PCYT1B: variants seen among roughly 807,000 people sequenced by gnomAD.
PCYT1B encodes the protein phosphate cytidylyltransferase 1B, choline.
A neutral mutation model predicts 26.4 loss-of-function variants in PCYT1B; 10 were observed. That is an observed-to-expected ratio of 0.38 (90% confidence interval 0.23 to 0.64). The LOEUF is 0.64. Among genes scored for constraint, PCYT1B ranks in the 30% least tolerant of loss-of-function variants. The pLI, the probability that PCYT1B is intolerant of heterozygous loss-of-function variation, is 0.56. For synonymous variants in PCYT1B, 131 were observed against 108.4 expected (o/e 1.21, Z -1.29); for missense variants, 161 against 292.7 (o/e 0.55, Z 3.28).
intron 3 of PCYT1B, among the ~76,000 whole-genome samples, chrX:24,603,015 G>C (rs1436976575): frequency 2.7e-5 from 3 of 111,481 alleles, no homozygotes; most frequent in African/African-American, 9.8e-5. Flanking sequence ...TGTTGGCCAG[G>C]CTGGTTTAGA....
At chrX:24,665,819 A>T (rs755255781) in intron 1 of PCYT1B, among the ~76,000 whole-genome samples, 1 of 110,937 alleles carries the variant, frequency 9.0e-6, no homozygotes, top group East Asian at 2.8e-4. Context: ...ACATGGAAAA[A>T]AATTTATGAG....
intron 1 of PCYT1B, among the ~76,000 whole-genome samples, chrX:24,636,161 T>A (rs960032381): frequency 9.8e-5 from 11 of 112,568 alleles, no homozygotes; most frequent in African/African-American, 3.5e-4. Context: ...AGCCAAGAGC[T>A]ATAATTGTAA....
In PCYT1B at chrX:24,647,264, A is replaced by ACC. The variant is rs61760927; in HGVS notation, c.-161_-160dup. The ACC allele has an allele frequency of 4.6e-5, 45 of 984,906 alleles. No individual in the cohort carries two copies. Among genetic ancestry groups the ACC allele is most frequent in the African/African-American group, 2.2e-4 (9 of 41,598 alleles). 81.2% of individuals were successfully genotyped at this position (984,906 alleles called of 1,213,427 possible). Reference sequence around the variant, plus strand: ...CTTCCCTAGGGGAAGTAAAGAGGTTACCCCCCGCCCCTCTCTCTCTCTCTC... The same window carrying ACC: ...CTTCCCTAGGGGAAGTAAAGAGGTTACCCCCCCCGCCCCTCTCTCTCTCTCTC... On this transcript the variant is annotated 5_prime_UTR_variant, in exon 1 of 8. Transcript: ENST00000379144.
intron 5 of PCYT1B, among the ~76,000 whole-genome samples, chrX:24,585,272 G>T (rs1453050211): frequency 9.0e-6 from 1 of 111,642 alleles, no homozygotes; most frequent in Non-Finnish European, 1.9e-5. Flanking sequence ...CCTTGTTTAT[G>T]GCCAGGAATT....
intron 1 of PCYT1B, among the ~76,000 whole-genome samples, chrX:24,659,538 T>C (rs1926987911): frequency 9.0e-6 from 1 of 111,296 alleles, no homozygotes. Context: ...TGACAAAGAG[T>C]GTCTAACACT....
Position 24,624,265 on chromosome X carries a change from G to A in PCYT1B, c.118-5181C>T, listed in dbSNP as rs953208236. Among the ~76,000 whole-genome samples the A allele has an allele frequency of 1.1e-4, 12 of 111,697 alleles. No homozygotes were observed. The South Asian group carries it at 1.1e-3, about 10-fold the overall frequency. ...ATTACAGGCATGAGCCACCGCGCCC[G>A]GCCAAGCTAAGCTATTCTTAACTCC... On this transcript the variant is annotated intron_variant, in intron 1 of 7. Transcript: ENST00000379144.
chrX:24,594,455 C>T (rs1924713672), intron 3 of PCYT1B, among the ~76,000 whole-genome samples: 1 of 111,453 alleles, frequency 9.0e-6, no homozygotes, highest in Non-Finnish European at 1.9e-5. Context: ...CATCCATTTT[C>T]CATTTTCTAT....
At chrX:24,577,218 G>A (rs909918739) in intron 6 of PCYT1B, among the ~76,000 whole-genome samples, 5 of 111,384 alleles carry the variant, frequency 4.5e-5, no homozygotes, top group African/African-American at 1.6e-4. Context: ...CTGAGGTTCC[G>A]TGATTTGTCT....
chrX:24,568,261 G>A lies in PCYT1B; in HGVS notation c.898-5756C>T, dbSNP rs148176668. On this transcript the variant is annotated intron_variant, in intron 7 of 7. Coordinates refer to ENST00000379144, the MANE Select transcript of PCYT1B (RefSeq NM_004845.5). ...TTGAAGTGTGAGCCAGTCTGGGTGC[G>A]ATGGCTCATGCCTATAATCCCAACA... Among the ~76,000 whole-genome samples the A allele has an allele frequency of 3.1e-3, 346 of 112,087 alleles. 4 individuals are homozygous for A. The highest frequency in any genetic ancestry group is 0.011 in the African/African-American group (325 of 30,876).
chrX:24,627,664 T>C (rs892990868), intron 1 of PCYT1B, among the ~76,000 whole-genome samples: 9 of 112,168 alleles, frequency 8.0e-5, no homozygotes, highest in African/African-American at 2.9e-4. Context: ...CTGGCTAATG[T>C]GTTGAGAATA....
chrX:24,642,635 T>C (rs1388809546), intron 1 of PCYT1B, among the ~76,000 whole-genome samples: 2 of 112,189 alleles, frequency 1.8e-5, no homozygotes, highest in African/African-American at 3.2e-5. Flanking sequence ...TGCATTTGGA[T>C]AGAGACCAGC....
At chrX:24,598,484 T>C (rs5943980) in intron 3 of PCYT1B, among the ~76,000 whole-genome samples, 48,734 of 100,652 alleles carry the variant, frequency 0.48, 9,789 homozygotes, top group East Asian at 0.73. Flanking sequence ...GATATATATA[T>C]ACACACACAC....
intron 3 of PCYT1B, among the ~76,000 whole-genome samples, chrX:24,594,443 T>C (rs1034314373): frequency 7.2e-5 from 8 of 111,406 alleles, no homozygotes; most frequent in African/African-American, 2.6e-4. Flanking sequence ...GGATTTCAGA[T>C]TCATCCATTT....
At chrX:24,604,114 T>A in intron 3 of PCYT1B, among the ~76,000 whole-genome samples, 1 of 106,516 alleles carries the variant, frequency 9.4e-6, no homozygotes, top group African/African-American at 3.4e-5. Flanking sequence ...TGAGACAGAA[T>A]CTCACTCTGT....
chrX:24,565,293 C>G (rs1191181661), intron 7 of PCYT1B, among the ~76,000 whole-genome samples: 1 of 111,647 alleles, frequency 9.0e-6, no homozygotes, highest in Non-Finnish European at 1.9e-5. Context: ...AGCCAATTCT[C>G]CTATTTACCA....
chrX:24,649,546 A>G (rs1340374597), upstream of PCYT1B, among the ~76,000 whole-genome samples: 1 of 111,885 alleles, frequency 8.9e-6, no homozygotes, highest in East Asian at 2.8e-4. Flanking sequence ...TTGGCCACTG[A>G]GCCACCCCTT....
At chrX:24,565,756 T>A (rs61762688) in intron 7 of PCYT1B, among the ~76,000 whole-genome samples, 5,289 of 102,364 alleles carry the variant, frequency 0.052, 243 homozygotes, top group African/African-American at 0.14. Context: ...GACATTTGAC[T>A]ACACAAAATT....
At chrX:24,627,889 G>T (rs925927794) in intron 1 of PCYT1B, among the ~76,000 whole-genome samples, 3 of 111,684 alleles carry the variant, frequency 2.7e-5, no homozygotes, top group Non-Finnish European at 5.6e-5. Flanking sequence ...CAAAGCTACT[G>T]GCCTGAAGAA....
intron 6 of PCYT1B, among the ~76,000 whole-genome samples, chrX:24,578,527 G>A (rs774379106): frequency 6.3e-5 from 7 of 111,998 alleles, no homozygotes; most frequent in Admixed American, 9.5e-5. Context: ...GCAGTCCTGT[G>A]GGAACAATAT....
Sources: allele counts gnomAD v4.1 joint callset (sites outside exome capture counted in the v4.1 genomes callset), GRCh38; gene constraint gnomAD v4.1.1; transcripts MANE v1.5; gene names NCBI Gene and HGNC (gene_info 2026-07-23, HGNC 2026-07-21).